YAE1: variants seen among roughly 807,000 people sequenced by gnomAD.
The protein encoded by YAE1 is protein YAE1 homolog.
In YAE1, 22 loss-of-function variants were observed where a neutral mutation model predicts 23.0. That is an observed-to-expected ratio of 0.96 (90% CI 0.68 to 1.37). The LOEUF (loss-of-function observed/expected upper bound fraction) is 1.37, where lower values mean the gene tolerates loss of function less well. Among genes scored for constraint, YAE1 ranks in the 40% most tolerant of loss-of-function variants. The probability of loss-of-function intolerance (pLI) is 0.00; values close to 1 mark genes in which losing one functional copy is unlikely to be tolerated. For missense variants in YAE1, 260 were observed against 262.1 expected (o/e 0.99, Z 0.06); for synonymous variants, 101 against 97.0 (o/e 1.04, Z -0.24).
At chr7:39,606,482 G>A (rs1271358113) in intron 2 of YAE1, among the ~76,000 whole-genome samples, 1 of 152,174 alleles carries the variant, frequency 6.6e-6, no homozygotes, top group East Asian at 1.9e-4. Flanking sequence ...TTAGTTTGTG[G>A]CTCATAGCAA....
chr7:39,575,307 A>T (rs1274359468), downstream of YAE1, among the ~76,000 whole-genome samples: 2 of 152,194 alleles, frequency 1.3e-5, no homozygotes, highest in East Asian at 3.8e-4. Context: ...CTGACATTTT[A>T]GTTACTAGAA....
downstream of YAE1, among the ~76,000 whole-genome samples, chr7:39,575,575 A>AGAGAGAGAGAGTGAGAGAGTGAGT (rs1339594299): frequency 1.2e-5 from 1 of 81,728 alleles, no homozygotes; most frequent in Non-Finnish European, 2.3e-5. Context: ...AGAGAGAGAG[A>AGAGAGAGAGAGTGAGAGAGTGAGT]GAGTGAGTGT....
chr7:39,583,573 T>G (rs1562592484), intron 2 of YAE1, among the ~76,000 whole-genome samples: 1 of 152,244 alleles, frequency 6.6e-6, no homozygotes, highest in Non-Finnish European at 1.5e-5. Context: ...TATTTGGTTC[T>G]CCACATTGAT....
intron 2 of YAE1, among the ~76,000 whole-genome samples, chr7:39,590,089 T>C (rs1427628370): frequency 6.6e-6 from 1 of 152,218 alleles, no homozygotes; most frequent in Non-Finnish European, 1.5e-5. Context: ...AGCCCAGCCA[T>C]ATCAATAGGA....
intron 2 of YAE1, among the ~76,000 whole-genome samples, chr7:39,597,741 A>G (rs746242311): frequency 2.0e-5 from 3 of 152,108 alleles, no homozygotes; most frequent in Non-Finnish European, 4.4e-5. Flanking sequence ...TCTTTTCTGG[A>G]AAGAACTTAA....
intron 2 of YAE1, among the ~76,000 whole-genome samples, chr7:39,608,653 C>T (rs78385855): frequency 0.053 from 8,073 of 152,252 alleles, 291 homozygotes; most frequent in East Asian, 0.12. Context: ...ATTCAACATA[C>T]GTTTTAGACA....
chr7:39,598,062 G>C (rs1011846250), intron 2 of YAE1, among the ~76,000 whole-genome samples: 1 of 151,796 alleles, frequency 6.6e-6, no homozygotes, highest in African/African-American at 2.4e-5. Context: ...CTCCTTCCTT[G>C]GTGTCCTAAA....
At chr7:39,608,582 A>G (rs778117150) in intron 2 of YAE1, among the ~76,000 whole-genome samples, 40 of 152,226 alleles carry the variant, frequency 2.6e-4, no homozygotes, top group Admixed American at 2.4e-3. Context: ...TATTTACAGA[A>G]TGACTGATTT....
intron 2 of YAE1, among the ~76,000 whole-genome samples, chr7:39,578,746 C>T (rs1205192394): frequency 1.3e-5 from 2 of 152,208 alleles, no homozygotes; most frequent in South Asian, 2.1e-4. Flanking sequence ...CTGTAACACT[C>T]ACCGCGAGGG....
chr7:39,587,952 A>G (rs1790844345), intron 2 of YAE1, among the ~76,000 whole-genome samples: 1 of 152,234 alleles, frequency 6.6e-6, no homozygotes, highest in African/African-American at 2.4e-5. Flanking sequence ...TTTTAAAATC[A>G]CGATTTAATC....
At chr7:39,607,986 T>C (rs543342534) in intron 2 of YAE1, among the ~76,000 whole-genome samples, 1 of 152,296 alleles carries the variant, frequency 6.6e-6, no homozygotes, top group South Asian at 2.1e-4. Context: ...ATTTGTTTTG[T>C]TTTTGGCCTT....
chr7:39,578,728 T>C (rs193178509), intron 2 of YAE1, among the ~76,000 whole-genome samples: 3 of 152,216 alleles, frequency 2.0e-5, no homozygotes, highest in Admixed American at 6.5e-5. Flanking sequence ...ACACACCACC[T>C]TTAAGAACTG....
downstream of YAE1, among the ~76,000 whole-genome samples, chr7:39,577,348 TGAG>T (rs1361161222): frequency 6.6e-6 from 1 of 152,230 alleles, no homozygotes; most frequent in Non-Finnish European, 1.5e-5. Flanking sequence ...TGGCTGCGCT[TGAG>T]GAGCCCTTCA....
chr7:39,578,427 G>A (rs1199298481), intron 2 of YAE1, among the ~76,000 whole-genome samples: 1 of 152,166 alleles, frequency 6.6e-6, no homozygotes, highest in Non-Finnish European at 1.5e-5. Flanking sequence ...TCCATGTTGT[G>A]GAAGCTTTGT....
intron 2 of YAE1, among the ~76,000 whole-genome samples, chr7:39,578,627 G>GCAACACTCAC (rs1175380980): frequency 6.6e-6 from 1 of 152,126 alleles, no homozygotes; most frequent in Non-Finnish European, 1.5e-5. Flanking sequence ...GCGAAGGTCT[G>GCAACACTCAC]TAGCTTCACT....
intron 2 of YAE1, among the ~76,000 whole-genome samples, chr7:39,606,578 C>T (rs544765776): frequency 1.3e-5 from 2 of 152,242 alleles, no homozygotes; most frequent in Non-Finnish European, 2.9e-5. Flanking sequence ...GAGGTGGAAC[C>T]GGGTGAATGG....
chr7:39,610,027 C>T, exon 3 of YAE1: 1 of 1,495,040 alleles, frequency 6.7e-7, no homozygotes. Context: ...CTTAGGAAAG[C>T]CAGCCTCAGT....
downstream of YAE1, among the ~76,000 whole-genome samples, chr7:39,573,878 T>A (rs943550409): frequency 2.0e-5 from 3 of 152,212 alleles, no homozygotes; most frequent in Non-Finnish European, 4.4e-5. Flanking sequence ...ATTTGACAGC[T>A]GGCTAAAAAA....
intron 2 of YAE1, among the ~76,000 whole-genome samples, chr7:39,601,259 G>T (rs923451518): frequency 6.6e-6 from 1 of 152,052 alleles, no homozygotes; most frequent in Non-Finnish European, 1.5e-5. Flanking sequence ...ATGCTAAATT[G>T]GTTGATACAG....
Sources: allele counts gnomAD v4.1 joint callset (sites outside exome capture counted in the v4.1 genomes callset), GRCh38; gene constraint gnomAD v4.1.1; transcripts MANE v1.5; gene names NCBI Gene and HGNC (gene_info 2026-07-23, HGNC 2026-07-21).